The following INPP4B variants were observed in gnomAD, a reference collection of about 807,000 sequenced individuals.
The protein encoded by INPP4B is inositol polyphosphate 4-phosphatase type II.
In INPP4B, 55 loss-of-function variants were observed where a neutral mutation model predicts 122.5. That is an observed-to-expected ratio of 0.45 (90% CI 0.36 to 0.56). INPP4B has a LOEUF of 0.56. Ranked by LOEUF, INPP4B falls within the 20% of genes least tolerant of loss-of-function variation. INPP4B has a pLI of 0.00. For synonymous variants in INPP4B, 403 were observed against 388.7 expected (o/e 1.04, Z -0.43); for missense variants, 1,000 against 1,097.7 (o/e 0.91, Z 1.26).
chr4:142,176,530 C>T (rs981858255), intron 15 of INPP4B, among the ~76,000 whole-genome samples: 9 of 152,076 alleles, frequency 5.9e-5, no homozygotes, highest in Admixed American at 5.9e-4. Flanking sequence ...ATCAAATTCC[C>T]TGACAGTCTC....
At chr4:142,680,931 C>T (rs1758529508) in intron 2 of INPP4B, among the ~76,000 whole-genome samples, 1 of 151,824 alleles carries the variant, frequency 6.6e-6, no homozygotes, top group Non-Finnish European at 1.5e-5. Flanking sequence ...AAAAGTAAGC[C>T]AGACACTTTT....
chr4:142,811,874 T>C (rs987500848), intron 1 of INPP4B, among the ~76,000 whole-genome samples: 6 of 152,158 alleles, frequency 3.9e-5, no homozygotes, highest in African/African-American at 1.4e-4. Flanking sequence ...TGCTAGCACA[T>C]AGTAGTTCTC....
chr4:142,112,157 CAAAA>C (rs1262619975), intron 22 of INPP4B, among the ~76,000 whole-genome samples: 1 of 152,022 alleles, frequency 6.6e-6, no homozygotes, highest in Non-Finnish European at 1.5e-5. Flanking sequence ...AAAATAAACA[CAAAA>C]AAGAGAAAAA....
chr4:142,081,231 TCTGGGAACCCAGAG>T lies in INPP4B; in HGVS notation c.2642+786_2642+799del, dbSNP rs1350562732. Among the ~76,000 whole-genome samples the T allele has an allele frequency of 2.6e-5, 4 of 152,316 alleles. No individual in the cohort carries two copies. The South Asian group carries it at 8.3e-4, about 32-fold the overall frequency. ...TCCAGTGAATCATATGACATTCCTTTCTGGGAACCCAGAGCCTGTCCCATGCTTCCTAGTGTGCT... is the reference window on the plus strand; with the variant it reads ...TCCAGTGAATCATATGACATTCCTTTCCTGTCCCATGCTTCCTAGTGTGCT... On this transcript the variant is annotated intron_variant, in intron 25 of 25. Transcript: ENST00000262992.
At chr4:142,227,271 A>G (rs1423883316) in intron 12 of INPP4B, among the ~76,000 whole-genome samples, 5 of 152,110 alleles carry the variant, frequency 3.3e-5, no homozygotes, top group East Asian at 1.9e-4. Context: ...TCTTACTACC[A>G]GGAGAATGCG....
At chr4:142,050,888 A>C (rs1420617156) in intron 25 of INPP4B, among the ~76,000 whole-genome samples, 4 of 151,970 alleles carry the variant, frequency 2.6e-5, no homozygotes, top group African/African-American at 9.7e-5. Context: ...CCACAGATAC[A>C]ACCAACCACC....
chr4:142,242,923 C>G (rs1252698531), intron 11 of INPP4B, among the ~76,000 whole-genome samples: 1 of 152,048 alleles, frequency 6.6e-6, no homozygotes, highest in Non-Finnish European at 1.5e-5. Flanking sequence ...TTCTTGTTCT[C>G]TTTTTTTCCT....
chr4:142,530,871 GGGA>G (rs1560764138), intron 2 of INPP4B, among the ~76,000 whole-genome samples: 1 of 151,992 alleles, frequency 6.6e-6, no homozygotes, highest in African/African-American at 2.4e-5. Context: ...AGGGGAGGAG[GGGA>G]GGAGGAGAAC....
intron 9 of INPP4B, among the ~76,000 whole-genome samples, chr4:142,293,458 G>A (rs1222947403): frequency 6.6e-6 from 1 of 151,954 alleles, no homozygotes; most frequent in Non-Finnish European, 1.5e-5. Context: ...GGCACTAAAT[G>A]TATTCAAGTA....
At chr4:142,490,364 C>T (rs545262312) in intron 2 of INPP4B, among the ~76,000 whole-genome samples, 1 of 152,228 alleles carries the variant, frequency 6.6e-6, no homozygotes, top group South Asian at 2.1e-4. Flanking sequence ...GCTGGGATTA[C>T]AGGCCTGAAC....
At chr4:142,169,883 A>G (rs1824708790) in intron 16 of INPP4B, among the ~76,000 whole-genome samples, 1 of 151,706 alleles carries the variant, frequency 6.6e-6, no homozygotes, top group Non-Finnish European at 1.5e-5. Flanking sequence ...CAGGATAATA[A>G]TGACTTATTA....
chr4:142,333,732 T>G (rs1258874252), intron 7 of INPP4B, among the ~76,000 whole-genome samples: 1 of 152,130 alleles, frequency 6.6e-6, no homozygotes, highest in Non-Finnish European at 1.5e-5. Flanking sequence ...TTTTCCAGCT[T>G]TATTGAGGTA....
chr4:142,739,299 C>G (rs1402174966), intron 1 of INPP4B, among the ~76,000 whole-genome samples: 1 of 151,816 alleles, frequency 6.6e-6, no homozygotes, highest in Non-Finnish European at 1.5e-5. Flanking sequence ...TGCATTGGTT[C>G]TTGAATGATA....
At chr4:142,735,613 C>T (rs572684902) in intron 1 of INPP4B, among the ~76,000 whole-genome samples, 6 of 152,166 alleles carry the variant, frequency 3.9e-5, no homozygotes, top group African/African-American at 2.4e-5. Flanking sequence ...AGGCAGGGAG[C>T]TGCCACAAAC....
At chr4:142,239,813 G>A (rs1858398693) in intron 11 of INPP4B, among the ~76,000 whole-genome samples, 1 of 151,824 alleles carries the variant, frequency 6.6e-6, no homozygotes, top group Admixed American at 6.6e-5. Context: ...TTCTTATTTA[G>A]CAACATATAT....
chr4:142,339,211 C>T (rs1777854932), intron 7 of INPP4B, among the ~76,000 whole-genome samples: 1 of 152,196 alleles, frequency 6.6e-6, no homozygotes, highest in Admixed American at 6.5e-5. Context: ...ACTTTGCAAA[C>T]AGTCCCTTTG....
chr4:142,481,885 T>C (rs1216654365), intron 2 of INPP4B, among the ~76,000 whole-genome samples: 5 of 152,220 alleles, frequency 3.3e-5, no homozygotes, highest in Non-Finnish European at 7.3e-5. Context: ...TGGACTTCTA[T>C]GTAATTTGAG....
chr4:142,113,973 C>T (rs949498737), intron 21 of INPP4B, among the ~76,000 whole-genome samples: 1 of 152,036 alleles, frequency 6.6e-6, no homozygotes, highest in Non-Finnish European at 1.5e-5. Context: ...ACTACCACCG[C>T]TAGCCCAGAA....
chr4:142,440,544 A>G (rs1811472724), intron 3 of INPP4B, among the ~76,000 whole-genome samples: 1 of 152,202 alleles, frequency 6.6e-6, no homozygotes, highest in African/African-American at 2.4e-5. Context: ...ATTTTTTCAT[A>G]TGAAATATAA....
Sources: allele counts gnomAD v4.1 joint callset (sites outside exome capture counted in the v4.1 genomes callset), GRCh38; gene constraint gnomAD v4.1.1; transcripts MANE v1.5; gene names NCBI Gene and HGNC (gene_info 2026-07-23, HGNC 2026-07-21).